Variants in NHEJ1 observed in about 807,000 individuals in gnomAD.
The protein encoded by NHEJ1 is non-homologous end joining factor 1.
In NHEJ1, 22 loss-of-function variants were observed where a neutral mutation model predicts 39.4. That is an observed-to-expected ratio of 0.56 (90% CI 0.40 to 0.80). The LOEUF is 0.80. NHEJ1 is among the 30% of genes least tolerant of loss of function. The pLI is 0.00. For missense variants in NHEJ1, 329 were observed against 357.1 expected (o/e 0.92, Z 0.63); for synonymous variants, 154 against 135.6 (o/e 1.14, Z -0.94).
intron 5 of NHEJ1, among the ~76,000 whole-genome samples, chr2:219,100,277 C>T (rs542738387): frequency 2.0e-4 from 30 of 152,080 alleles, no homozygotes; most frequent in African/African-American, 7.0e-4. Flanking sequence ...ACAGGGTCTT[C>T]GAAGGTCCAG....
intron 2 of NHEJ1, among the ~76,000 whole-genome samples, 195 bp downstream of exon 2, chr2:219,157,991 T>TCTCACACACACACA (rs1179798749): frequency 3.0e-5 from 3 of 99,270 alleles, no homozygotes; most frequent in African/African-American, 1.0e-4. Flanking sequence ...TCTCTCTCTC[T>TCTCACACACACACA]CACACACACA....
In NHEJ1 at chr2:219,078,150, C is replaced by T; in HGVS notation, c.645G>A (p.Gln215=). The change falls in exon 6 of 8, where the codon CAG becomes CAA. Residue 215 remains glutamine, a synonymous_variant. Coordinates refer to ENST00000356853, the MANE Select transcript of NHEJ1 (RefSeq NM_024782.3). ...GDGKPFVMNL[Q]DLYMAVTTQE... ...GTGTGGTGACTGCCATATACAGATC[C>T]TGCAGATTCATGACAAAGGGCTTTC... The T allele has an allele frequency of 6.2e-7, 1 of 1,614,146 alleles. No individual in the cohort carries two copies. The highest frequency in any genetic ancestry group is 8.5e-7 in the Non-Finnish European group (1 of 1,180,028).
At chr2:219,131,801 G>C (rs1949581290) in intron 5 of NHEJ1, among the ~76,000 whole-genome samples, 1 of 152,178 alleles carries the variant, frequency 6.6e-6, no homozygotes, top group Non-Finnish European at 1.5e-5. Context: ...GCAGTACTTG[G>C]GGCAGAGCGC....
At chr2:219,133,094 A>G (rs1222306532) in intron 5 of NHEJ1, among the ~76,000 whole-genome samples, 2 of 152,224 alleles carry the variant, frequency 1.3e-5, no homozygotes, top group Non-Finnish European at 2.9e-5. Context: ...TTCTCCCTTC[A>G]TAATTTCCTT....
intron 5 of NHEJ1, among the ~76,000 whole-genome samples, chr2:219,136,158 T>C (rs1213423564): frequency 6.6e-6 from 1 of 152,216 alleles, no homozygotes; most frequent in African/African-American, 2.4e-5. Context: ...ATTTGAGATA[T>C]GGGAAACTCC....
chr2:219,093,492 G>A (rs1574707735), intron 5 of NHEJ1, among the ~76,000 whole-genome samples: 2 of 152,266 alleles, frequency 1.3e-5, no homozygotes, highest in East Asian at 1.9e-4. Context: ...GGAAAATTGA[G>A]AGGGATAAAC....
At chr2:219,135,936 A>G (rs1422924199) in intron 5 of NHEJ1, among the ~76,000 whole-genome samples, 2 of 152,244 alleles carry the variant, frequency 1.3e-5, no homozygotes, top group Non-Finnish European at 2.9e-5. Context: ...TGAGTAAAGT[A>G]AGATATACAA....
chr2:219,075,076 T>C lies in NHEJ1; in HGVS notation c.*1305A>G, dbSNP rs1948999984. ...GACTGGAAAGAAGAACCTAATGTCC[T>C]TTCTGGAAAATAAATGTTTTCATTA... On this transcript the variant is annotated 3_prime_UTR_variant, in exon 8 of 8. Transcript: ENST00000356853. Among the ~76,000 whole-genome samples, 2 of 152,220 alleles carry C rather than the reference T, an allele frequency of 1.3e-5. No individual in the cohort carries two copies. The highest frequency in any genetic ancestry group is 4.8e-5 in the African/African-American group (2 of 41,456).
chr2:219,078,213 G>A lies in NHEJ1; in HGVS notation c.589-7C>T. On this transcript the variant is annotated splice_region_variant and splice_polypyrimidine_tract_variant and intron_variant, in intron 5 of 7. Transcript: ENST00000356853. ...TGCATGCCTCTGGCAGTTTCTGTAA[G>A]AGAGAGGAGATACTGTCATTGGTTA... is the stretch of plus-strand genomic sequence containing the variant. 1 of 1,607,954 alleles carries A rather than the reference G, an allele frequency of 6.2e-7. No individual in the cohort carries two copies. The highest frequency in any genetic ancestry group is 8.5e-7 in the Non-Finnish European group (1 of 1,174,292).
rs955839563 is a variant in NHEJ1 at position 219,111,131 on chromosome 2, G to C, written c.589-32925C>G. On this transcript the variant is annotated intron_variant, in intron 5 of 7. Transcript: ENST00000356853. This position sits in a 1 kb window ranked among gnomAD's most constrained non-coding sequence, Gnocchi z 4.1. ...CATATTCCTTAACTAAGGACCAGAG[G>C]GGGGAAAATCATTTTAAAGATGATT... Among the ~76,000 whole-genome samples, 4 of 152,120 alleles carry C rather than the reference G, an allele frequency of 2.6e-5. No individual in the cohort carries two copies. The highest frequency in any genetic ancestry group is 6.5e-5 in the Admixed American group (1 of 15,282).
intron 5 of NHEJ1, among the ~76,000 whole-genome samples, chr2:219,116,524 T>C (rs895413371): frequency 6.6e-6 from 1 of 152,042 alleles, no homozygotes; most frequent in African/African-American, 2.4e-5. Context: ...ACCTGGCTAA[T>C]TTTTGTCTTT....
intron 5 of NHEJ1, among the ~76,000 whole-genome samples, chr2:219,134,075 C>T (rs1038476200): frequency 1.3e-5 from 2 of 152,242 alleles, no homozygotes; most frequent in East Asian, 3.8e-4. Flanking sequence ...GAGTTCTACA[C>T]TCATTGTCTC....
At chr2:219,105,567 G>T (rs754537904) in intron 5 of NHEJ1, among the ~76,000 whole-genome samples, 2 of 152,104 alleles carry the variant, frequency 1.3e-5, no homozygotes, top group South Asian at 4.2e-4. Context: ...ATTTAAAGAA[G>T]AAATATTAAC....
chr2:219,140,414 G>A (rs1220356514), intron 5 of NHEJ1, among the ~76,000 whole-genome samples: 2 of 152,228 alleles, frequency 1.3e-5, no homozygotes, highest in Non-Finnish European at 2.9e-5. Context: ...GAGGGGGTAG[G>A]AGTAGCTGCA....
intron 5 of NHEJ1, among the ~76,000 whole-genome samples, chr2:219,095,944 G>A (rs1949204347): frequency 6.6e-6 from 1 of 151,626 alleles, no homozygotes. Flanking sequence ...GGAAAGAGGT[G>A]GAGACTCATA....
chr2:219,152,789 T>TTATTTA (rs60094718), intron 3 of NHEJ1, among the ~76,000 whole-genome samples: 1,795 of 87,748 alleles, frequency 0.02, 48 homozygotes, highest in African/African-American at 0.056. Flanking sequence ...ATTTATTTAT[T>TTATTTA]TTTATTTATT....
chr2:219,073,155 G>A lies in NHEJ1; in HGVS notation c.*3226C>T, dbSNP rs1304360979. On this transcript the variant is annotated 3_prime_UTR_variant, in exon 8 of 8. Transcript: ENST00000356853. ...ACTGTGGGTGCGCTACACCAGGCCTGTGGAAGGATTTTGGTCTCAACAGGC... is the reference window on the plus strand; with the variant it reads ...ACTGTGGGTGCGCTACACCAGGCCTATGGAAGGATTTTGGTCTCAACAGGC... Among the ~76,000 whole-genome samples, 1 of 152,186 alleles carries A rather than the reference G, an allele frequency of 6.6e-6. No homozygotes were observed. Among genetic ancestry groups the A allele is most frequent in the East Asian group, 1.9e-4 (1 of 5,196 alleles).
At chr2:219,121,770 G>C (rs886718219) in intron 5 of NHEJ1, among the ~76,000 whole-genome samples, 1 of 151,382 alleles carries the variant, frequency 6.6e-6, no homozygotes, top group Admixed American at 6.6e-5. Context: ...AGGCTGCAGT[G>C]AGCCCTGATT....
chr2:219,137,653 G>A (rs1319349003), intron 5 of NHEJ1, among the ~76,000 whole-genome samples: 1 of 144,430 alleles, frequency 6.9e-6, no homozygotes, highest in Non-Finnish European at 1.5e-5. Flanking sequence ...AACATTTAAG[G>A]CCCCCACAAT....
Sources: gnomAD v4.1 joint callset for allele counts (sites outside exome capture counted in the v4.1 genomes callset) on GRCh38, gnomAD v4.1.1 for gene constraint, Gnocchi (gnomAD v3.1) non-coding constraint, MANE v1.5 for transcripts, NCBI Gene and HGNC (gene_info 2026-07-23, HGNC 2026-07-21) for gene names.